The following DAB1 variants were observed in gnomAD, a reference collection of about 807,000 sequenced individuals.
DAB1 encodes disabled homolog 1.
Under a neutral mutation model 64.6 loss-of-function variants are expected in DAB1, and 15 were observed. The ratio of observed to expected loss-of-function variants is 0.23; its 90% CI spans 0.16 to 0.36. The LOEUF is 0.36. Among genes scored for constraint, DAB1 ranks in the 10% least tolerant of loss-of-function variants. The pLI is 1.00. For missense variants in DAB1, 596 were observed against 706.7 expected, an observed-to-expected ratio of 0.84 and a Z score of 1.78; for synonymous variants, 235 against 251.9, an observed-to-expected ratio of 0.93 and a Z score of 0.64.
At chr1:58,320,154 CCTTT>C (rs1394778955) in intron 4 of DAB1, among the ~76,000 whole-genome samples, 1 of 152,140 alleles carries the variant, frequency 6.6e-6, no homozygotes, top group African/African-American at 2.4e-5. Flanking sequence ...TGTGAAGAGA[CCTTT>C]CTAACATGGC....
intron 9 of DAB1, among the ~76,000 whole-genome samples, chr1:57,057,886 G>A (rs1046672134): frequency 6.6e-6 from 1 of 152,074 alleles, no homozygotes; most frequent in Non-Finnish European, 1.5e-5. Context: ...GGGATTACAG[G>A]CATGAGCCAC....
At chr1:57,549,641 C>T (rs1644892872) in intron 7 of DAB1, among the ~76,000 whole-genome samples, 1 of 152,084 alleles carries the variant, frequency 6.6e-6, no homozygotes, top group African/African-American at 2.4e-5. Context: ...CAGTTGAATG[C>T]CTCGAATAAC....
At chr1:57,180,165 A>C (rs952897124) in intron 2 of DAB1, among the ~76,000 whole-genome samples, 1 of 152,230 alleles carries the variant, frequency 6.6e-6, no homozygotes, top group Non-Finnish European at 1.5e-5. Flanking sequence ...GGCCAGCCTT[A>C]GGTGAGAGGA....
In DAB1 at chr1:57,220,155, T is replaced by C. The variant is rs532776765; in HGVS notation, c.67+70809A>G. On this transcript the variant is annotated intron_variant, in intron 2 of 14. Transcript: ENST00000371236. ...TATGTTTTTCAGGCCCCAAAAGCAC[T>C]GGGAAGAATGTGACATGGTAGGCTT... Among the ~76,000 whole-genome samples, 156 of 152,306 alleles carry C rather than the reference T, an allele frequency of 1.0e-3. 6 individuals carry two copies. The South Asian group carries it at 0.032, about 31-fold the overall frequency.
At chr1:57,703,694 C>G (rs1646933581) in intron 6 of DAB1, among the ~76,000 whole-genome samples, 1 of 151,994 alleles carries the variant, frequency 6.6e-6, no homozygotes, top group Admixed American at 6.6e-5. Context: ...GGTATATACC[C>G]AAAGGAATAT....
intron 6 of DAB1, among the ~76,000 whole-genome samples, chr1:57,738,957 A>C (rs1647829518): frequency 6.6e-6 from 1 of 152,240 alleles, no homozygotes. Context: ...GGTAAAGTGC[A>C]CAGGTAAATG....
At chr1:57,576,302 C>G (rs878998039) in intron 7 of DAB1, among the ~76,000 whole-genome samples, 1 of 152,120 alleles carries the variant, frequency 6.6e-6, no homozygotes, top group Admixed American at 6.5e-5. Context: ...TTTCAACTGA[C>G]GATATCTTCA....
At chr1:58,345,019 T>C (rs1460227994) in intron 3 of DAB1, among the ~76,000 whole-genome samples, 1 of 152,178 alleles carries the variant, frequency 6.6e-6, no homozygotes, top group Non-Finnish European at 1.5e-5. Context: ...ATCAATGAAG[T>C]GAAAAGAGGA....
intron 11 of DAB1, among the ~76,000 whole-genome samples, chr1:57,022,860 G>T (rs373739545): frequency 6.6e-6 from 1 of 152,248 alleles, no homozygotes; most frequent in Non-Finnish European, 1.5e-5. Flanking sequence ...TGGCCACATG[G>T]AACGCCTCAT....
chr1:57,563,292 T>C (rs1475584465), intron 7 of DAB1, among the ~76,000 whole-genome samples: 1 of 152,202 alleles, frequency 6.6e-6, no homozygotes, highest in East Asian at 1.9e-4. Flanking sequence ...ACACTTGTAA[T>C]AAGAAAATAT....
intron 1 of DAB1, among the ~76,000 whole-genome samples, chr1:57,354,897 A>G (rs533439468): frequency 6.6e-6 from 1 of 152,206 alleles, no homozygotes; most frequent in Non-Finnish European, 1.5e-5. Context: ...TTATCATGCT[A>G]CTGGGAAAAG....
chr1:58,079,340 C>T (rs1196051017), intron 5 of DAB1, among the ~76,000 whole-genome samples: 1 of 152,076 alleles, frequency 6.6e-6, no homozygotes, highest in African/African-American at 2.4e-5. Context: ...ATTTGGAGTG[C>T]TCATTATTAC....
At chr1:58,146,701 A>G (rs149011857) in intron 5 of DAB1, among the ~76,000 whole-genome samples, 52 of 152,170 alleles carry the variant, frequency 3.4e-4, no homozygotes, top group African/African-American at 1.2e-3. Flanking sequence ...AAGGCTGAAT[A>G]GTATTCCATT....
In DAB1 at chr1:57,665,849, CTGTGTGTGTG is replaced by C. The variant is rs397862533; in HGVS notation, n.552-16194_552-16185del. 2.4e-4 allele frequency among the ~76,000 whole-genome samples: 33 copies of C among 137,240 alleles called. 1 individual carries two copies. The highest frequency in any genetic ancestry group is 1.6e-3 in the Admixed American group (22 of 13,478). The allele number at this position is 137,240 out of a possible 152,430, so 90.0% of individuals were successfully genotyped here. A position where few individuals can be genotyped will look rare whatever the true frequency, so the allele number is the denominator to read the frequency against. ...TTTTCTTCCCTTTTTTTTTAATTAT[CTGTGTGTGTG>C]TGTGTGTGTGTGTGTGTGTGTGTGT... On this transcript the variant is annotated intron_variant and non_coding_transcript_variant, in intron 6 of 20. Transcript: ENST00000485760.
chr1:58,042,287 T>G (rs1570268051), intron 5 of DAB1, among the ~76,000 whole-genome samples: 1 of 152,240 alleles, frequency 6.6e-6, no homozygotes, highest in South Asian at 2.1e-4. Context: ...GGTACCACAT[T>G]TTAATAAATA....
intron 7 of DAB1, among the ~76,000 whole-genome samples, chr1:57,456,251 T>G (rs1187962845): frequency 6.6e-6 from 1 of 152,124 alleles, no homozygotes; most frequent in Non-Finnish European, 1.5e-5. Context: ...TTTTCAACAG[T>G]TTTTTATATA....
intron 5 of DAB1, among the ~76,000 whole-genome samples, chr1:58,059,120 T>C (rs1648330106): frequency 6.6e-6 from 1 of 152,212 alleles, no homozygotes; most frequent in Non-Finnish European, 1.5e-5. Context: ...TCCCTTACTG[T>C]GTCCTGCCTC....
chr1:58,307,902 C>T (rs752393941), intron 4 of DAB1, among the ~76,000 whole-genome samples: 13 of 151,994 alleles, frequency 8.6e-5, no homozygotes, highest in Non-Finnish European at 1.6e-4. Flanking sequence ...GCTATAGGAA[C>T]ATGAAGAAAG....
chr1:58,238,952 A>G (rs1178881985), intron 4 of DAB1, among the ~76,000 whole-genome samples: 1 of 152,140 alleles, frequency 6.6e-6, no homozygotes, highest in Non-Finnish European at 1.5e-5. Context: ...ATGCATAGAG[A>G]GTAACTTCTG....
Sources: gnomAD v4.1 joint callset for allele counts (sites outside exome capture counted in the v4.1 genomes callset) on GRCh38, gnomAD v4.1.1 for gene constraint, MANE v1.5 for transcripts, NCBI Gene and HGNC (gene_info 2026-07-23, HGNC 2026-07-21) for gene names.